PPP1R1C: variants seen among roughly 807,000 people sequenced by gnomAD.
PPP1R1C encodes the protein protein phosphatase 1 regulatory inhibitor subunit 1C.
Under a neutral mutation model 17.4 loss-of-function variants are expected in PPP1R1C, and 15 were observed. That is an observed-to-expected ratio of 0.86 (90% CI 0.58 to 1.33). The LOEUF is 1.33. Ranked by LOEUF, PPP1R1C falls within the 40% of genes most tolerant of loss-of-function variation. The probability of loss-of-function intolerance (pLI) is 0.00; values close to 1 mark genes in which losing one functional copy is unlikely to be tolerated. For synonymous variants in PPP1R1C, 35 were observed against 43.1 expected (o/e 0.81, Z 0.73); for missense variants, 143 against 130.0 (o/e 1.10, Z -0.48).
chr2:181,999,235 T>C (rs999484060), intron 2 of PPP1R1C, among the ~76,000 whole-genome samples: 1 of 152,148 alleles, frequency 6.6e-6, no homozygotes, highest in African/African-American at 2.4e-5. Flanking sequence ...TAAAATAATT[T>C]AAAAAGAAAA....
intron 4 of PPP1R1C, among the ~76,000 whole-genome samples, chr2:182,087,130 TG>T (rs1688650857): frequency 6.6e-6 from 1 of 152,226 alleles, no homozygotes; most frequent in Non-Finnish European, 1.5e-5. Flanking sequence ...TTATCATTGT[TG>T]TTTGAGCTGT....
In PPP1R1C at chr2:181,962,986, C is replaced by T. The variant is rs1055878251; in HGVS notation, n.111+8352C>T. ...AATATACAACACAGAGCAGGGCTGCCGATCCCCAAGACTCTAAATAAAAGT... is the reference window on the plus strand; with the variant it reads ...AATATACAACACAGAGCAGGGCTGCTGATCCCCAAGACTCTAAATAAAAGT... On this transcript the variant is annotated intron_variant and non_coding_transcript_variant, in intron 1 of 5. Transcript: ENST00000464264. The surrounding 1 kb of genome is among the most constrained non-coding windows in gnomAD (Gnocchi z 6.0). Among the ~76,000 whole-genome samples, 2 of 152,040 alleles carry T rather than the reference C, an allele frequency of 1.3e-5. No homozygotes were observed. The highest frequency in any genetic ancestry group is 6.6e-5 in the Admixed American group (1 of 15,264).
In PPP1R1C at chr2:182,063,800, C is replaced by G. The variant is rs775839161; in HGVS notation, c.241+9C>G. Reference sequence around the variant, plus strand: ...ACCACCCACCATAAAAGGTACTGTTCAGGTACTGTTTCGGGTTGTCATGAG... The same window carrying G: ...ACCACCCACCATAAAAGGTACTGTTGAGGTACTGTTTCGGGTTGTCATGAG... On this transcript the variant is annotated intron_variant, in intron 4 of 4. Coordinates refer to ENST00000682840, the MANE Select transcript of PPP1R1C (RefSeq NM_001080545.3). 1.2e-6 allele frequency: 2 copies of G among 1,610,626 alleles called. No individual in the cohort carries two copies. The highest frequency in any genetic ancestry group is 2.2e-5 in the South Asian group (2 of 91,024).
intron 4 of PPP1R1C, among the ~76,000 whole-genome samples, chr2:182,088,262 C>T (rs1221779264): frequency 6.6e-6 from 1 of 152,122 alleles, no homozygotes; most frequent in Non-Finnish European, 1.5e-5. Flanking sequence ...AAGATGCAAG[C>T]AAATCTTATA....
chr2:182,091,404 G>T (rs74707644), intron 4 of PPP1R1C, among the ~76,000 whole-genome samples: 1 of 152,052 alleles, frequency 6.6e-6, no homozygotes, highest in African/African-American at 2.4e-5. Flanking sequence ...AATCACACTG[G>T]ATAGGTGGAT....
intron 3 of PPP1R1C, among the ~76,000 whole-genome samples, chr2:182,062,525 T>C (rs918440527): frequency 6.6e-6 from 1 of 152,006 alleles, no homozygotes; most frequent in Non-Finnish European, 1.5e-5. Context: ...TAATGTAGAG[T>C]CACCCTGTCT....
At chr2:182,054,833 A>G (rs900608949) in intron 2 of PPP1R1C, among the ~76,000 whole-genome samples, 2 of 151,602 alleles carry the variant, frequency 1.3e-5, no homozygotes, top group African/African-American at 4.8e-5. Flanking sequence ...GCTAATTTTC[A>G]TATTTTTAGT....
At position 181,985,971 on chromosome 2, in the gene PPP1R1C, C is replaced by T. The variant is rs1685284765; in HGVS notation, c.-140C>T. The T allele has an allele frequency of 7.2e-6, 5 of 693,672 alleles. No homozygotes were observed. In the South Asian group the frequency reaches 8.7e-5, roughly 12 times the overall value. 43.0% of individuals were successfully genotyped at this position (693,672 alleles called of 1,614,324 possible). ...ACTCAAACCTCGGCATCTTCACTTGCTCGATCTGGAATTACAGCTATTTAT... is the reference window on the plus strand; with the variant it reads ...ACTCAAACCTCGGCATCTTCACTTGTTCGATCTGGAATTACAGCTATTTAT... On this transcript the variant is annotated 5_prime_UTR_variant, in exon 1 of 5. Coordinates refer to ENST00000682840, the MANE Select transcript of PPP1R1C (RefSeq NM_001080545.3). The surrounding 1 kb of genome is among the most constrained non-coding windows in gnomAD (Gnocchi z 4.1).
At chr2:182,046,852 T>G (rs7587780) in intron 2 of PPP1R1C, among the ~76,000 whole-genome samples, 20,103 of 152,240 alleles carry the variant, frequency 0.13, 1,875 homozygotes, top group Non-Finnish European at 0.2. Context: ...TACCTTTATA[T>G]TCCAATATCT....
chr2:182,024,103 G>T (rs928423435), intron 2 of PPP1R1C, among the ~76,000 whole-genome samples: 3 of 152,094 alleles, frequency 2.0e-5, no homozygotes, highest in African/African-American at 7.2e-5. Flanking sequence ...GTATTTCAAG[G>T]TACAGATATT....
Position 181,960,185 on chromosome 2 carries a change from C to T in PPP1R1C, n.111+5551C>T, listed in dbSNP as rs112187024. Among the ~76,000 whole-genome samples the T allele has an allele frequency of 5.3e-5, 8 of 152,216 alleles. 1 individual carries two copies. Among genetic ancestry groups the T allele is most frequent in the African/African-American group, 1.7e-4 (7 of 41,538 alleles). The stretch of plus-strand genomic sequence containing the variant: ...TTAGCTACAGAGTAAGTCATTAAGA[C>T]GTGGTGGTTGAAAGAAAGAAAACCA... On this transcript the variant is annotated intron_variant and non_coding_transcript_variant, in intron 1 of 5. Transcript: ENST00000464264.
intron 4 of PPP1R1C, among the ~76,000 whole-genome samples, chr2:182,066,210 C>T (rs187292661): frequency 1.6e-4 from 25 of 152,134 alleles, no homozygotes; most frequent in Admixed American, 4.6e-4. Context: ...TATTATTCAC[C>T]ATGTATTCCC....
intron 4 of PPP1R1C, among the ~76,000 whole-genome samples, chr2:182,074,503 C>T (rs1399737571): frequency 6.6e-6 from 1 of 152,206 alleles, no homozygotes; most frequent in East Asian, 1.9e-4. Flanking sequence ...CCAAAATACT[C>T]ATCATATTTT....
chr2:181,959,600 A>G (rs2125130055), intron 1 of PPP1R1C, among the ~76,000 whole-genome samples: 1 of 152,318 alleles, frequency 6.6e-6, no homozygotes, highest in South Asian at 2.1e-4. Context: ...GAATATTTTG[A>G]CATCTGTATG....
chr2:182,113,821 T>C (rs1041236634), intron 4 of PPP1R1C, among the ~76,000 whole-genome samples: 2 of 152,198 alleles, frequency 1.3e-5, no homozygotes, highest in Non-Finnish European at 2.9e-5. Context: ...TATCTACAAA[T>C]GTAATGAGCC....
At chr2:182,085,319 T>G (rs1403104133) in intron 4 of PPP1R1C, among the ~76,000 whole-genome samples, 1 of 152,082 alleles carries the variant, frequency 6.6e-6, no homozygotes. Flanking sequence ...TCTTATCTAT[T>G]TTACTTTGCA....
At chr2:181,981,128 C>T (rs1685186727), upstream of PPP1R1C, among the ~76,000 whole-genome samples, 1 of 151,754 alleles carries the variant, frequency 6.6e-6, no homozygotes, top group Non-Finnish European at 1.5e-5. Context: ...CGGGGTTTCA[C>T]CGTTTTAGCC....
chr2:181,960,635 A>G (rs35113733), intron 1 of PPP1R1C, among the ~76,000 whole-genome samples: 6,839 of 152,298 alleles, frequency 0.045, 215 homozygotes, highest in Non-Finnish European at 0.071. Flanking sequence ...CCGTTAACAC[A>G]AAACTCAGAA....
intron 1 of PPP1R1C, among the ~76,000 whole-genome samples, chr2:181,971,972 C>T (rs1228384468): frequency 6.6e-6 from 1 of 152,178 alleles, no homozygotes. Flanking sequence ...GCAATTCAAG[C>T]GTATCTTTAC....
Sources: allele counts gnomAD v4.1 joint callset (sites outside exome capture counted in the v4.1 genomes callset), GRCh38; gene constraint gnomAD v4.1.1; non-coding constraint Gnocchi (gnomAD v3.1); transcripts MANE v1.5; gene names NCBI Gene and HGNC (gene_info 2026-07-23, HGNC 2026-07-21).